Variants in ZFHX3 observed in about 807,000 individuals in gnomAD.
ZFHX3 encodes the protein zinc finger homeobox protein 3.
A neutral mutation model predicts 279.1 loss-of-function variants in ZFHX3; 42 were observed. The observed-to-expected ratio is 0.15, with a 90% CI of 0.12 to 0.19. The LOEUF is 0.19. Ranked by LOEUF, ZFHX3 falls within the 10% of genes least tolerant of loss-of-function variation. ZFHX3 has a pLI of 1.00. For synonymous variants in ZFHX3, 2,293 were observed against 1,957.8 expected (o/e 1.17, Z -4.52); for missense variants, 4,981 against 4,754.0 (o/e 1.05, Z -1.40).
At position 73,076,610 on chromosome 16, in the gene ZFHX3, C is replaced by T. The variant is rs569107499; in HGVS notation, c.-533+16625G>A. Among the ~76,000 whole-genome samples the T allele has an allele frequency of 6.6e-5, 10 of 152,256 alleles. No individual in the cohort carries two copies. In the South Asian group the frequency reaches 1.0e-3, roughly 16 times the overall value. Reference sequence around the variant, plus strand: ...TAATATCATCACTGTTTCTCACAGCCGACTGTTTCCTAAGCTGGGATAGAA... The same window carrying T: ...TAATATCATCACTGTTTCTCACAGCTGACTGTTTCCTAAGCTGGGATAGAA... On this transcript the variant is annotated intron_variant, in intron 8 of 17. Coordinates refer to the ZFHX3 transcript ENST00000641206.
chr16:72,790,025 G>A (rs1020061237), intron 9 of ZFHX3: 5 of 152,316 alleles, frequency 3.3e-5, no homozygotes, highest in Admixed American at 6.5e-5. Flanking sequence ...TCCCATCCTT[G>A]ATCATACCCC....
chr16:72,882,343 G>T (rs949166313), intron 4 of ZFHX3, among the ~76,000 whole-genome samples: 1 of 152,070 alleles, frequency 6.6e-6, no homozygotes, highest in Non-Finnish European at 1.5e-5. Flanking sequence ...TAACCAGAAG[G>T]GCAGTGTACA....
intron 1 of ZFHX3, among the ~76,000 whole-genome samples, chr16:73,733,059 A>G (rs2053582370): frequency 1.3e-5 from 2 of 152,034 alleles, no homozygotes; most frequent in African/African-American, 4.8e-5. Context: ...GTAATAAATT[A>G]TTTAGGCAGC....
At chr16:73,747,858 C>A (rs1255796288) in intron 1 of ZFHX3, among the ~76,000 whole-genome samples, 10 of 152,148 alleles carry the variant, frequency 6.6e-5, no homozygotes, top group Admixed American at 3.9e-4. Context: ...ATACCACGAC[C>A]AGTTGCATAG....
intron 1 of ZFHX3, among the ~76,000 whole-genome samples, chr16:73,852,200 ACT>A (rs1447345990): frequency 6.6e-6 from 1 of 152,136 alleles, no homozygotes; most frequent in Non-Finnish European, 1.5e-5. Context: ...TTTGTTCCAG[ACT>A]CTATTGTTCA....
intron 1 of ZFHX3, among the ~76,000 whole-genome samples, chr16:73,850,847 G>A (rs577893469): frequency 6.6e-6 from 1 of 152,250 alleles, no homozygotes; most frequent in East Asian, 1.9e-4. Context: ...TACCTAACCA[G>A]TAAAAGAGAC....
chr16:73,208,511 A>G (rs1171653956), intron 5 of ZFHX3, among the ~76,000 whole-genome samples: 1 of 151,894 alleles, frequency 6.6e-6, no homozygotes, highest in Non-Finnish European at 1.5e-5. Flanking sequence ...GTTAATTTTC[A>G]TAGTTGGAAA....
rs182331357 is a variant in ZFHX3 at position 73,101,682 on chromosome 16, G to A, written c.-896-8084C>T. On this transcript the variant is annotated intron_variant, in intron 7 of 17. Coordinates refer to the ZFHX3 transcript ENST00000641206. ...CTCCCATAGTGCTGGGATTACAGGC[G>A]TGAGCCACTGTGCCTGGCCAGAGTT... Among the ~76,000 whole-genome samples, 7 of 152,030 alleles carry A rather than the reference G, an allele frequency of 4.6e-5. No homozygotes were observed. The South Asian group carries it at 6.3e-4, about 14-fold the overall frequency.
At chr16:72,916,949 CAGA>C (rs1265263999) in intron 3 of ZFHX3, among the ~76,000 whole-genome samples, 1 of 152,038 alleles carries the variant, frequency 6.6e-6, no homozygotes, top group Non-Finnish European at 1.5e-5. Context: ...CTTAACAAAG[CAGA>C]AGAAGGCCAG....
At chr16:72,931,046 G>C (rs1227551100) in intron 3 of ZFHX3, among the ~76,000 whole-genome samples, 2 of 152,156 alleles carry the variant, frequency 1.3e-5, no homozygotes, top group African/African-American at 4.8e-5. Context: ...TTTCATAGGT[G>C]AAAGTTTCCA....
chr16:73,062,344 A>AATATTTGTGTGAGTG (rs1965694137), upstream of ZFHX3: 1 of 152,032 alleles, frequency 6.6e-6, no homozygotes, highest in Admixed American at 6.5e-5. Context: ...TTGTGTGAGT[A>AATATTTGTGTGAGTG]TGTGAATATA....
At chr16:73,593,412 T>C (rs1212174797) in intron 2 of ZFHX3, among the ~76,000 whole-genome samples, 1 of 152,148 alleles carries the variant, frequency 6.6e-6, no homozygotes, top group Non-Finnish European at 1.5e-5. Flanking sequence ...ATAAAAATGA[T>C]AACATGTCAT....
At position 73,288,582 on chromosome 16, in the gene ZFHX3, C is replaced by T. The variant is rs183542818; in HGVS notation, c.-1194+29658G>A. Among the ~76,000 whole-genome samples, 5 of 152,306 alleles carry T rather than the reference C, an allele frequency of 3.3e-5. No homozygotes were observed. The East Asian group carries it at 5.8e-4, about 18-fold the overall frequency. Reference sequence around the variant, plus strand: ...GATGTGCCAACTTAGCAACTCCCCACGCTGTCCGCAGCGGAGATGGATTTC... The same window carrying T: ...GATGTGCCAACTTAGCAACTCCCCATGCTGTCCGCAGCGGAGATGGATTTC... On this transcript the variant is annotated intron_variant, in intron 4 of 17. Coordinates refer to the ZFHX3 transcript ENST00000641206.
At chr16:73,296,901 C>T (rs144595328) in intron 4 of ZFHX3, among the ~76,000 whole-genome samples, 714 of 44,356 alleles carry the variant, frequency 0.016, 9 homozygotes, top group African/African-American at 0.069. Flanking sequence ...TTTTTTGAGA[C>T]GGAGTCTCTT....
intron 1 of ZFHX3, among the ~76,000 whole-genome samples, chr16:72,999,105 C>T (rs1273764147): frequency 1.3e-5 from 2 of 152,192 alleles, no homozygotes; most frequent in East Asian, 3.9e-4. Context: ...ACGCTACAGA[C>T]ATGAGATTAC....
intron 4 of ZFHX3, among the ~76,000 whole-genome samples, chr16:72,859,066 T>C (rs1481496042): frequency 2.0e-5 from 3 of 152,224 alleles, no homozygotes; most frequent in Non-Finnish European, 4.4e-5. Context: ...CTGGCTTCTG[T>C]GCCTCTGAAA....
At chr16:73,688,405 G>C (rs372575312) in intron 1 of ZFHX3, among the ~76,000 whole-genome samples, 4 of 150,330 alleles carry the variant, frequency 2.7e-5, no homozygotes. Context: ...CCCCATGCAA[G>C]TATTAAGAGG....
intron 7 of ZFHX3, among the ~76,000 whole-genome samples, chr16:73,104,979 A>T (rs1466460677): frequency 6.6e-6 from 1 of 152,212 alleles, no homozygotes; most frequent in African/African-American, 2.4e-5. Context: ...TCTGAGAAGA[A>T]GAAGTGATGC....
intron 3 of ZFHX3, among the ~76,000 whole-genome samples, chr16:73,408,902 C>T (rs2017414809): frequency 6.6e-6 from 1 of 152,094 alleles, no homozygotes; most frequent in African/African-American, 2.4e-5. Flanking sequence ...CCTGCTCAAA[C>T]TTTATAGACA....
Sources: allele counts gnomAD v4.1 joint callset (sites outside exome capture counted in the v4.1 genomes callset), GRCh38; gene constraint gnomAD v4.1.1; transcripts MANE v1.5; gene names NCBI Gene and HGNC (gene_info 2026-07-23, HGNC 2026-07-21).